The following ACADSB variants were observed in gnomAD, a reference collection of about 807,000 sequenced individuals.
ACADSB encodes short/branched chain specific acyl-CoA dehydrogenase, mitochondrial.
A neutral mutation model predicts 54.1 loss-of-function variants in ACADSB; 40 were observed. The observed-to-expected ratio is 0.74, with a 90% CI of 0.57 to 0.96. ACADSB has a LOEUF of 0.96. Ranked by LOEUF, ACADSB falls within the 40% of genes least tolerant of loss-of-function variation. The pLI is 0.00. For synonymous variants in ACADSB, 182 were observed against 182.8 expected (o/e 1.00, Z 0.03); for missense variants, 530 against 510.4 (o/e 1.04, Z -0.37).
At chr10:123,029,270 C>T (rs1850294468) in intron 1 of ACADSB, among the ~76,000 whole-genome samples, 1 of 151,764 alleles carries the variant, frequency 6.6e-6, no homozygotes, top group African/African-American at 2.4e-5. Context: ...CACTTAAACC[C>T]AGGAGGTGCA....
intron 8 of ACADSB, among the ~76,000 whole-genome samples, 193 bp from the exon 9 acceptor site, chr10:123,050,856 G>A (rs1189487900): frequency 1.3e-5 from 2 of 152,098 alleles, no homozygotes; most frequent in South Asian, 2.1e-4. Context: ...TAGGAAAAGA[G>A]GATTTAACAA....
chr10:123,031,266 A>T (rs1475764939), intron 1 of ACADSB, among the ~76,000 whole-genome samples: 1 of 152,220 alleles, frequency 6.6e-6, no homozygotes. Flanking sequence ...ACCCACATCC[A>T]AGTTCATGGA....
chr10:123,053,667 T>A, intron 10 of ACADSB, 28 bp from the exon 11 acceptor site: 1 of 1,593,802 alleles, frequency 6.3e-7, no homozygotes, highest in South Asian at 1.1e-5. Context: ...CAACTCCTCA[T>A]TGTTCCTTCT....
rs767779935 is a variant in ACADSB at position 123,053,676 on chromosome 10, C to T, written c.1229-19C>T. ...ATGCGCCAACTCCTCATTGTTCCTT[C>T]TGCTTCCTTTTGCTTAAGGTACGAT... On this transcript the variant is annotated intron_variant, in intron 10 of 10. Transcript: ENST00000358776. 7 of 1,605,594 alleles carry T rather than the reference C, an allele frequency of 4.4e-6. No homozygotes were observed. The African/African-American group carries it at 8.0e-5, about 18-fold the overall frequency.
chr10:123,012,376 C>T (rs1455650126), intron 1 of ACADSB, among the ~76,000 whole-genome samples: 1 of 152,144 alleles, frequency 6.6e-6, no homozygotes, highest in Non-Finnish European at 1.5e-5. Context: ...GAAGCTTGAT[C>T]CCCAGTGCGG....
chr10:123,037,084 A>AT (rs1850408330), intron 2 of ACADSB, among the ~76,000 whole-genome samples: 1 of 152,216 alleles, frequency 6.6e-6, no homozygotes, highest in African/African-American at 2.4e-5. Flanking sequence ...ATTTAGAGAC[A>AT]TTTTTGATTG....
At chr10:123,030,600 C>T (rs1321655336) in intron 1 of ACADSB, among the ~76,000 whole-genome samples, 1 of 151,616 alleles carries the variant, frequency 6.6e-6, no homozygotes, top group African/African-American at 2.4e-5. Context: ...TCTTAAGGGT[C>T]AAGTAGTTGG....
At chr10:123,019,423 GATCA>G (rs1383142212) in intron 1 of ACADSB, among the ~76,000 whole-genome samples, 1 of 152,234 alleles carries the variant, frequency 6.6e-6, no homozygotes, top group Non-Finnish European at 1.5e-5. Context: ...TTGGCTACAA[GATCA>G]ATAACAAGGA....
chr10:123,040,016 T>A (rs1442999165), intron 3 of ACADSB, among the ~76,000 whole-genome samples: 2 of 152,040 alleles, frequency 1.3e-5, no homozygotes, highest in African/African-American at 4.8e-5. Context: ...TATACCAAAT[T>A]AAAATAAAAT....
intron 6 of ACADSB, 89 bp downstream of exon 6, chr10:123,043,260 A>G (rs1589742454): frequency 1.3e-6 from 2 of 1,523,322 alleles, no homozygotes; most frequent in Non-Finnish European, 9.1e-7. Flanking sequence ...GTGTCAAAAT[A>G]CTAAGTGGCT....
chr10:123,042,167 T>C, intron 5 of ACADSB, among the ~76,000 whole-genome samples: 1 of 152,066 alleles, frequency 6.6e-6, no homozygotes, highest in East Asian at 1.9e-4. Flanking sequence ...AGTTTCGCCA[T>C]GTTGGCCAGG....
At position 123,033,304 on chromosome 10, in the gene ACADSB, A is replaced by G. The variant is rs1850353459; in HGVS notation, c.43-1052A>G. Among the ~76,000 whole-genome samples the G allele has an allele frequency of 2.0e-5, 3 of 152,362 alleles. No homozygotes were observed. The Middle Eastern group carries it at 0.01, about 518-fold the overall frequency. On this transcript the variant is annotated intron_variant, in intron 1 of 10. Transcript: ENST00000358776. Reference sequence around the variant, plus strand: ...GCAGAGTATGTCTGCTCCTAGGCACATAGTTGCAAAGAGTGACCAACATGC... The same window carrying G: ...GCAGAGTATGTCTGCTCCTAGGCACGTAGTTGCAAAGAGTGACCAACATGC...
At chr10:123,011,057 G>A (rs2133450888) in intron 1 of ACADSB, among the ~76,000 whole-genome samples, 1 of 152,298 alleles carries the variant, frequency 6.6e-6, no homozygotes, top group South Asian at 2.1e-4. Flanking sequence ...CTTTTGGATT[G>A]TTAGGAGCCA....
At position 123,040,581 on chromosome 10, in the gene ACADSB, A is replaced by C. The variant is rs766089682; in HGVS notation, c.419A>C (p.Glu140Ala). 20 of 1,613,984 alleles carry C rather than the reference A, an allele frequency of 1.2e-5. No homozygotes were observed. The highest frequency in any genetic ancestry group is 1.7e-5 in the Non-Finnish European group (20 of 1,179,980). Residue 140 changes from glutamate (E) to alanine (A), a missense_variant, in exon 4 of 11, where the codon GAG becomes GCG. Glu to Ala is a moderately radical substitution (Grantham distance 107). Transcript: ENST00000358776. ...GATGCATCTGTGGCTGTCTTTTGTGAGATCCAGAACACATTAATTAACACA... is the reference window on the plus strand; with the variant it reads ...GATGCATCTGTGGCTGTCTTTTGTGCGATCCAGAACACATTAATTAACACA... ...KVDASVAVFC[E>A]IQNTLINTLI...
intron 7 of ACADSB, among the ~76,000 whole-genome samples, chr10:123,046,993 A>G (rs1238089785): frequency 6.6e-6 from 1 of 152,222 alleles, no homozygotes; most frequent in Non-Finnish European, 1.5e-5. Context: ...TCATATTCAC[A>G]TGAAATCACT....
intron 1 of ACADSB, among the ~76,000 whole-genome samples, chr10:123,022,076 A>G (rs193077082): frequency 9.8e-5 from 15 of 152,362 alleles, no homozygotes; most frequent in African/African-American, 3.6e-4. Flanking sequence ...TTAAGTATAC[A>G]TATAGCTTGG....
chr10:123,026,427 T>A (rs1235321323), intron 1 of ACADSB, among the ~76,000 whole-genome samples: 2 of 152,160 alleles, frequency 1.3e-5, no homozygotes, highest in Non-Finnish European at 2.9e-5. Context: ...TCTTTGGTAT[T>A]TTATCACGTG....
intron 8 of ACADSB, among the ~76,000 whole-genome samples, chr10:123,049,741 C>T (rs1162248826): frequency 1.8e-4 from 28 of 152,168 alleles, no homozygotes; most frequent in Admixed American, 1.6e-3. Flanking sequence ...GTATTCCTAC[C>T]TCACACCATA....
Position 123,029,564 on chromosome 10 carries a change from C to G in ACADSB, c.43-4792C>G, listed in dbSNP as rs116493547. On this transcript the variant is annotated intron_variant, in intron 1 of 10. Coordinates refer to ENST00000358776, the MANE Select transcript of ACADSB (RefSeq NM_001609.4). The stretch of plus-strand genomic sequence containing the variant: ...TAAATGCTGTCATCCTGAACAAATC[C>G]TCTCGCTAACTGCATCTTTAACTCT... Among the ~76,000 whole-genome samples the G allele has an allele frequency of 3.9e-3, 599 of 152,262 alleles. 1 individual carries two copies. The highest frequency in any genetic ancestry group is 0.013 in the African/African-American group (560 of 41,556).
Sources: gnomAD v4.1 joint callset for allele counts (sites outside exome capture counted in the v4.1 genomes callset) on GRCh38, gnomAD v4.1.1 for gene constraint, MANE v1.5 for transcripts, NCBI Gene and HGNC (gene_info 2026-07-23, HGNC 2026-07-21) for gene names.